Variants in NLN observed in about 807,000 individuals in gnomAD.
NLN encodes the protein neurolysin, mitochondrial.
In NLN, 64 loss-of-function variants were observed where a neutral mutation model predicts 79.9. The ratio of observed to expected loss-of-function variants is 0.80; its 90% CI spans 0.65 to 0.99. NLN has a LOEUF of 0.99. Ranked by LOEUF, NLN falls within the 50% of genes least tolerant of loss-of-function variation. NLN has a pLI of 0.00. For missense variants in NLN, 835 were observed against 858.7 expected, an observed-to-expected ratio of 0.97 and a Z score of 0.34; for synonymous variants, 267 against 296.6, an observed-to-expected ratio of 0.90 and a Z score of 1.02.
chr5:65,812,547 A>G (rs1760577287), intron 12 of NLN, among the ~76,000 whole-genome samples, 156 bp downstream of exon 12: 6 of 152,210 alleles, frequency 3.9e-5, no homozygotes, highest in Admixed American at 3.3e-4. Flanking sequence ...ATCATACATC[A>G]TTAAGTTGCA....
At chr5:65,745,864 C>T (rs536708036) in intron 1 of NLN, among the ~76,000 whole-genome samples, 28 of 152,190 alleles carry the variant, frequency 1.8e-4, no homozygotes, top group Non-Finnish European at 3.5e-4. Context: ...CATCCAGAAC[C>T]TCCCGGGTTT....
chr5:65,774,713 A>C (rs1759641931), intron 3 of NLN, among the ~76,000 whole-genome samples: 2 of 111,010 alleles, frequency 1.8e-5, no homozygotes, highest in African/African-American at 6.3e-5. Context: ...TACATATATA[A>C]ATTATATATA....
At chr5:65,722,649 G>A in intron 1 of NLN, 1 of 518,410 alleles carries the variant, frequency 1.9e-6, no homozygotes, top group Non-Finnish European at 3.4e-6. Flanking sequence ...GTTTGGGACT[G>A]CCTCAGCCGC....
chr5:65,722,781 T>G, intron 1 of NLN: 1 of 237,736 alleles, frequency 4.2e-6, no homozygotes, highest in Non-Finnish European at 8.3e-6. Context: ...GCCGCAGCTG[T>G]GGACTCAGAA....
chr5:65,729,202 A>G (rs1758546309), intron 1 of NLN, among the ~76,000 whole-genome samples: 1 of 152,154 alleles, frequency 6.6e-6, no homozygotes, highest in South Asian at 2.1e-4. Context: ...AATTAAATAA[A>G]ATTGAGATTA....
At chr5:65,737,715 G>A (rs1758757915) in intron 1 of NLN, among the ~76,000 whole-genome samples, 1 of 152,144 alleles carries the variant, frequency 6.6e-6, no homozygotes, top group African/African-American at 2.4e-5. Context: ...GTAGCTGGGT[G>A]CAGATTTCTT....
At chr5:65,750,770 A>G (rs1254681704) in intron 1 of NLN, among the ~76,000 whole-genome samples, 1 of 152,112 alleles carries the variant, frequency 6.6e-6, no homozygotes, top group African/African-American at 2.4e-5. Context: ...AAAGAGAAAT[A>G]AGGAAAGAAG....
rs545032679 is a variant in NLN at position 65,824,229 on chromosome 5, G to A, written c.*1314G>A. 1 of 152,106 alleles carries A rather than the reference G, an allele frequency of 6.6e-6. No individual in the cohort carries two copies. Among genetic ancestry groups the A allele is most frequent in the South Asian group, 2.1e-4 (1 of 4,808 alleles). 9.4% of individuals were successfully genotyped at this position (152,106 alleles called of 1,614,324 possible). A position where few individuals can be genotyped will look rare whatever the true frequency, so the allele number is the denominator to read the frequency against. ...CCTCAGGTATGACTTTGCTAGCCGG[G>A]GACAAAATTAGCACCTTCCGATTCT... On this transcript the variant is annotated 3_prime_UTR_variant, in exon 13 of 13. Coordinates refer to ENST00000380985, the MANE Select transcript of NLN (RefSeq NM_020726.5).
rs144904438 is a variant in NLN, at chr5:65,800,935, C to A, written c.1527+8280C>A. On this transcript the variant is annotated intron_variant, in intron 9 of 12. Transcript: ENST00000380985. ...CTTGAACTCCTGAGCTCAATCAATT[C>A]TCCTGCTTCTACGTCTCAAAGTGCT... Among the ~76,000 whole-genome samples the A allele has an allele frequency of 7.9e-3, 1,200 of 152,116 alleles. 6 individuals are homozygous for A. Among genetic ancestry groups the A allele is most frequent in the South Asian group, 0.012 (57 of 4,816 alleles).
intron 3 of NLN, among the ~76,000 whole-genome samples, chr5:65,773,558 T>C (rs1410076163): frequency 2.6e-5 from 4 of 152,300 alleles, no homozygotes; most frequent in African/African-American, 9.6e-5. Context: ...TTTTTATTTA[T>C]AGATTTTAGA....
intron 12 of NLN, among the ~76,000 whole-genome samples, chr5:65,817,487 C>G (rs1234429903): frequency 2.0e-5 from 3 of 152,146 alleles, no homozygotes; most frequent in Non-Finnish European, 4.4e-5. Context: ...GCATTTTAAC[C>G]AAGGCCATTT....
chr5:65,820,771 G>A (rs1760775459), intron 12 of NLN, among the ~76,000 whole-genome samples: 1 of 152,088 alleles, frequency 6.6e-6, no homozygotes, highest in African/African-American at 2.4e-5. Flanking sequence ...GCTGGGCACA[G>A]TAGCTCACAC....
chr5:65,762,393 TAC>T (rs1208442423), intron 2 of NLN, among the ~76,000 whole-genome samples: 1 of 152,138 alleles, frequency 6.6e-6, no homozygotes, highest in Non-Finnish European at 1.5e-5. Context: ...GTTGATAAAT[TAC>T]ACCCTCAGGC....
In NLN at chr5:65,805,267, G is replaced by C. The variant is rs1438936274; in HGVS notation, c.1528-4248G>C. Among the ~76,000 whole-genome samples, 3 of 152,176 alleles carry C rather than the reference G, an allele frequency of 2.0e-5. No homozygotes were observed. In the East Asian group the frequency reaches 5.8e-4, roughly 29 times the overall value. On this transcript the variant is annotated intron_variant, in intron 9 of 12. Transcript: ENST00000380985. ...TGATCTGTAAGTGTTCAAGTGAAAGGAAGAGTCATAAGTCTTTTGCTTTAA... is the reference window on the plus strand; with the variant it reads ...TGATCTGTAAGTGTTCAAGTGAAAGCAAGAGTCATAAGTCTTTTGCTTTAA...
In NLN at chr5:65,777,448, A is replaced by T. The variant is rs765945332; in HGVS notation, c.472A>T (p.Ile158Leu). 1.9e-6 allele frequency: 3 copies of T among 1,612,662 alleles called. No homozygotes were observed. In the East Asian group the frequency reaches 6.7e-5, roughly 36 times the overall value. The change falls in exon 4 of 13, where the codon ATA becomes TTA. Residue 158 changes from isoleucine (I) to leucine (L), a missense_variant. Coordinates refer to ENST00000380985, the MANE Select transcript of NLN (RefSeq NM_020726.5). Reference protein sequence around the residue: ...HLQETCDLGKIKPEARRYLEK... With the variant: ...HLQETCDLGKLKPEARRYLEK... ...TCAGGAAACCTGTGATCTGGGGAAG[A>T]TAAAACCTGAGGCCAGACGATACTT...
chr5:65,729,374 T>C (rs1245426028), intron 1 of NLN, among the ~76,000 whole-genome samples: 10 of 144,980 alleles, frequency 6.9e-5, no homozygotes, highest in Admixed American at 4.1e-4. Flanking sequence ...CTTTTCTTTT[T>C]TTTTTTTTTT....
chr5:65,798,693 T>G (rs1760219389), intron 9 of NLN, among the ~76,000 whole-genome samples: 1 of 152,214 alleles, frequency 6.6e-6, no homozygotes, highest in African/African-American at 2.4e-5. Flanking sequence ...ATTTGTTTGC[T>G]TATACATATA....
At chr5:65,818,392 C>G (rs545749433) in intron 12 of NLN, among the ~76,000 whole-genome samples, 3 of 152,262 alleles carry the variant, frequency 2.0e-5, no homozygotes, top group East Asian at 3.9e-4. Flanking sequence ...TCTCTACCCC[C>G]CCATACATAC....
At chr5:65,726,518 G>A (rs1338542894) in intron 1 of NLN, among the ~76,000 whole-genome samples, 4 of 152,124 alleles carry the variant, frequency 2.6e-5, no homozygotes, top group Non-Finnish European at 1.5e-5. Context: ...GTATTGTTAT[G>A]AAAGATTTTT....
Sources: allele counts gnomAD v4.1 joint callset (sites outside exome capture counted in the v4.1 genomes callset), GRCh38; gene constraint gnomAD v4.1.1; transcripts MANE v1.5; gene names NCBI Gene and HGNC (gene_info 2026-07-23, HGNC 2026-07-21).